The following TNFSF8 variants were observed in gnomAD, a reference collection of about 807,000 sequenced individuals.
TNFSF8 encodes tumor necrosis factor ligand superfamily member 8.
In TNFSF8, 4 loss-of-function variants were observed where a neutral mutation model predicts 22.0. That is an observed-to-expected ratio of 0.18 (90% confidence interval 0.09 to 0.42). TNFSF8 has a LOEUF of 0.42. Ranked by LOEUF, TNFSF8 falls within the 10% of genes least tolerant of loss-of-function variation. TNFSF8 has a pLI of 1.00. For synonymous variants in TNFSF8, 106 were observed against 112.5 expected, an observed-to-expected ratio of 0.94 and a Z score of 0.37; for missense variants, 233 against 281.8, an observed-to-expected ratio of 0.83 and a Z score of 1.24.
rs1218457483 is a variant in TNFSF8 at position 114,902,087 on chromosome 9, A to C, written c.*1844T>G. On this transcript the variant is annotated 3_prime_UTR_variant, in exon 4 of 4. Transcript: ENST00000223795. ...ACTGAAGCATAACATCAGGGCCTACATTCCATCTCAAACGGCTTGTCAAGG... is the reference window on the plus strand; with the variant it reads ...ACTGAAGCATAACATCAGGGCCTACCTTCCATCTCAAACGGCTTGTCAAGG... 25 of 985,280 alleles carry C rather than the reference A, an allele frequency of 2.5e-5. No individual in the cohort carries two copies. The highest frequency in any genetic ancestry group is 2.8e-5 in the Non-Finnish European group (23 of 829,930). The allele number at this position is 985,280 out of a possible 1,614,324, so 61.0% of individuals were successfully genotyped here.
intron 2 of TNFSF8, among the ~76,000 whole-genome samples, chr9:114,912,610 C>T (rs942224553): frequency 5.3e-5 from 8 of 152,152 alleles, no homozygotes; most frequent in African/African-American, 1.4e-4. Context: ...AGAATGGTCT[C>T]GATCTCTTGA....
intron 1 of TNFSF8, among the ~76,000 whole-genome samples, chr9:114,925,395 G>T (rs1828045259): frequency 1.3e-5 from 2 of 152,224 alleles, no homozygotes; most frequent in South Asian, 4.2e-4. Flanking sequence ...ATGTTCCACG[G>T]GATGGGCTGG....
At chr9:114,921,938 A>G (rs867149408) in intron 1 of TNFSF8, among the ~76,000 whole-genome samples, 3 of 152,276 alleles carry the variant, frequency 2.0e-5, no homozygotes, top group Middle Eastern at 3.4e-3. Flanking sequence ...ATTTTCATGT[A>G]TGGAGGGAGG....
downstream of TNFSF8, among the ~76,000 whole-genome samples, chr9:114,896,957 C>A (rs1827661735): frequency 6.6e-6 from 1 of 152,036 alleles, no homozygotes; most frequent in African/African-American, 2.4e-5. Flanking sequence ...GCTGGAGTTG[C>A]AGTGGTGCAA....
At chr9:114,923,826 T>C (rs539698834) in intron 1 of TNFSF8, among the ~76,000 whole-genome samples, 2 of 152,282 alleles carry the variant, frequency 1.3e-5, no homozygotes, top group East Asian at 3.9e-4. Context: ...CCAGATTACT[T>C]GTTAATGAGA....
Position 114,929,969 on chromosome 9 carries a change from T to TAGAG in TNFSF8, c.195+139_195+140insCTCT, listed in dbSNP as rs1201562419. The TAGAG allele has an allele frequency of 1.3e-3, 378 of 291,452 alleles. 4 individuals carry two copies. Among genetic ancestry groups the TAGAG allele is most frequent in the Admixed American group, 1.9e-3 (31 of 16,694 alleles). The allele number at this position is 291,452 out of a possible 1,614,324, so 18.1% of individuals were successfully genotyped here. A position where few individuals can be genotyped will look rare whatever the true frequency, so the allele number is the denominator to read the frequency against. ...TATACAGTATATACTATAGTATATATATATATATAGAGAGAGAGAGTTTAT... is the reference window on the plus strand; with the variant it reads ...TATACAGTATATACTATAGTATATATAGAGATATATATAGAGAGAGAGAGTTTAT... On this transcript the variant is annotated intron_variant, in intron 1 of 3. Transcript: ENST00000223795.
chr9:114,905,712 C>T (rs1827776185), intron 3 of TNFSF8, 116 bp downstream of exon 3: 1 of 807,622 alleles, frequency 1.2e-6, no homozygotes, highest in Non-Finnish European at 2.2e-6. Flanking sequence ...AAACAGTACA[C>T]ATCTGCAGGT....
chr9:114,913,139 G>T (rs755870420), intron 2 of TNFSF8, among the ~76,000 whole-genome samples: 3 of 152,170 alleles, frequency 2.0e-5, no homozygotes, highest in Non-Finnish European at 4.4e-5. Flanking sequence ...AAATTCCTGG[G>T]CCAGTCCTCT....
At chr9:114,904,402 A>G (rs1237816271) in intron 3 of TNFSF8, 77 bp from the exon 4 acceptor site, 1 of 1,514,752 alleles carries the variant, frequency 6.6e-7, no homozygotes, top group Admixed American at 2.2e-5. Context: ...GTCTTTGTTC[A>G]AAGTTTCCCA....
At chr9:114,916,375 A>T (rs181198623) in intron 2 of TNFSF8, among the ~76,000 whole-genome samples, 16 of 152,326 alleles carry the variant, frequency 1.1e-4, no homozygotes, top group Non-Finnish European at 2.4e-4. Flanking sequence ...GCGACTTTGC[A>T]TTGAAGTGCT....
In TNFSF8 at chr9:114,905,901, T is replaced by TA. The variant is rs762708498; in HGVS notation, c.239-3dup. On this transcript the variant is annotated splice_region_variant and splice_polypyrimidine_tract_variant and intron_variant, in intron 2 of 3. Transcript: ENST00000223795. ...ATAAGAGGTCTTCTGAGCAATTTCC[T>TA]AAAAATAAGGAGACGATGCATTAAA... The TA allele has an allele frequency of 6.2e-7, 1 of 1,607,186 alleles. No homozygotes were observed. The highest frequency in any genetic ancestry group is 1.1e-5 in the South Asian group (1 of 90,846).
rs200264080 is a variant in TNFSF8, at chr9:114,905,916, G to A, written c.239-17C>T. The A allele has an allele frequency of 8.8e-5, 139 of 1,580,606 alleles. No individual in the cohort carries two copies. The highest frequency in any genetic ancestry group is 1.1e-4 in the Non-Finnish European group (130 of 1,150,658). ...AGCAATTTCCTAAAAATAAGGAGACGATGCATTAAAATGTCTTTTGCCGTT... is the reference window on the plus strand; with the variant it reads ...AGCAATTTCCTAAAAATAAGGAGACAATGCATTAAAATGTCTTTTGCCGTT... On this transcript the variant is annotated splice_polypyrimidine_tract_variant and intron_variant, in intron 2 of 3. Coordinates refer to ENST00000223795, the MANE Select transcript of TNFSF8 (RefSeq NM_001244.4).
intron 2 of TNFSF8, among the ~76,000 whole-genome samples, chr9:114,912,211 G>A (rs926982939): frequency 1.3e-5 from 2 of 152,114 alleles, no homozygotes; most frequent in South Asian, 4.1e-4. Flanking sequence ...TTGTAGAGAG[G>A]ATTAAATGAG....
At chr9:114,893,770 C>A in exon 5 of TNFSF8, 1 of 268,638 alleles carries the variant, frequency 3.7e-6, no homozygotes, top group Non-Finnish European at 7.2e-6. Context: ...GGGGTTTTCC[C>A]CTGAAGGGAA....
downstream of TNFSF8, among the ~76,000 whole-genome samples, chr9:114,899,385 C>T (rs7025577): frequency 6.8e-6 from 1 of 148,144 alleles, no homozygotes; most frequent in Non-Finnish European, 1.5e-5. Flanking sequence ...GCAACATGAC[C>T]TTTCTTCTTC....
intron 2 of TNFSF8, 60 bp from the exon 3 acceptor site, chr9:114,905,959 C>G: frequency 1.7e-6 from 2 of 1,146,438 alleles, no homozygotes; most frequent in Non-Finnish European, 1.3e-6. Context: ...CTGGAAATAC[C>G]TGATCTTTTT....
At chr9:114,923,743 C>T (rs908040096) in intron 1 of TNFSF8, among the ~76,000 whole-genome samples, 3 of 152,028 alleles carry the variant, frequency 2.0e-5, no homozygotes, top group Non-Finnish European at 2.9e-5. Context: ...GTCTTGAAAT[C>T]CTGGCCTCAA....
chr9:114,902,476 A>G lies in TNFSF8; in HGVS notation c.*1455T>C. ...ATTATTGTCAATCTAACTGGAATAG[A>G]GTCAGGCCTCGTCAGATGGTTTCCC... On this transcript the variant is annotated 3_prime_UTR_variant, in exon 4 of 4. Transcript: ENST00000223795. The G allele has an allele frequency of 2.0e-6, 2 of 985,450 alleles. No homozygotes were observed. The highest frequency in any genetic ancestry group is 2.4e-6 in the Non-Finnish European group (2 of 829,934). The allele number at this position is 985,450 out of a possible 1,614,324, so 61.0% of individuals were successfully genotyped here. A position where few individuals can be genotyped will look rare whatever the true frequency, so the allele number is the denominator to read the frequency against.
At chr9:114,901,034 A>AGTGT (rs113133989), downstream of TNFSF8, 561 of 905,746 alleles carry the variant, frequency 6.2e-4, 6 homozygotes, top group East Asian at 0.042. Context: ...AAGTACACTG[A>AGTGT]GTGTGTGTGT....
Sources: allele counts gnomAD v4.1 joint callset (sites outside exome capture counted in the v4.1 genomes callset), GRCh38; gene constraint gnomAD v4.1.1; transcripts MANE v1.5; gene names NCBI Gene and HGNC (gene_info 2026-07-23, HGNC 2026-07-21).